ATRNL1: variants seen among roughly 807,000 people sequenced by gnomAD.
The protein encoded by ATRNL1 is attractin like 1.
ATRNL1 carries 95 observed loss-of-function variants against 182.7 expected under a neutral mutation model. The observed-to-expected ratio is 0.52, with a 90% CI of 0.44 to 0.62. ATRNL1 has a LOEUF of 0.62. Ranked by LOEUF, ATRNL1 falls within the 20% of genes least tolerant of loss-of-function variation. The pLI, the probability that ATRNL1 is intolerant of heterozygous loss-of-function variation, is 0.00. For missense variants in ATRNL1, 1,471 were observed against 1,679.5 expected (o/e 0.88, Z 2.17); for synonymous variants, 576 against 568.3 (o/e 1.01, Z -0.19).
intron 27 of ATRNL1, among the ~76,000 whole-genome samples, chr10:115,769,263 T>C (rs1042047251): frequency 6.6e-6 from 1 of 152,178 alleles, no homozygotes; most frequent in Non-Finnish European, 1.5e-5. Context: ...CTATTAATCA[T>C]GCATTGCTCC....
At chr10:115,755,210 A>G (rs1948554859) in intron 27 of ATRNL1, among the ~76,000 whole-genome samples, 1 of 152,080 alleles carries the variant, frequency 6.6e-6, no homozygotes, top group Non-Finnish European at 1.5e-5. Flanking sequence ...TACTATGTTG[A>G]AGAGGAGTGG....
chr10:115,917,336 G>T (rs1040326227), intron 28 of ATRNL1, among the ~76,000 whole-genome samples: 2 of 152,020 alleles, frequency 1.3e-5, no homozygotes, highest in Non-Finnish European at 2.9e-5. Flanking sequence ...CGGGCATGGC[G>T]GCGGGCACCT....
chr10:115,200,162 T>C (rs1848507375), intron 8 of ATRNL1, among the ~76,000 whole-genome samples: 1 of 152,036 alleles, frequency 6.6e-6, no homozygotes, highest in Non-Finnish European at 1.5e-5. Flanking sequence ...TGAATTTAGA[T>C]ACTACCAACA....
intron 3 of ATRNL1, 109 bp downstream of exon 3, chr10:115,121,921 C>CTATCA: frequency 2.0e-6 from 1 of 505,166 alleles, no homozygotes; most frequent in South Asian, 3.2e-5. Flanking sequence ...TTGATAGTTA[C>CTATCA]ATTTCACAGA....
chr10:115,485,116 G>A (rs1428839593), intron 24 of ATRNL1, among the ~76,000 whole-genome samples: 1 of 151,870 alleles, frequency 6.6e-6, no homozygotes, highest in Non-Finnish European at 1.5e-5. Flanking sequence ...TACTGTCTAT[G>A]TCAGATGTGG....
chr10:115,637,844 C>T (rs568364940), intron 26 of ATRNL1, among the ~76,000 whole-genome samples: 3 of 151,716 alleles, frequency 2.0e-5, no homozygotes, highest in African/African-American at 4.8e-5. Context: ...AGGATGGTCT[C>T]GAACTCCTGA....
At chr10:115,577,899 A>G (rs1377227894) in intron 26 of ATRNL1, among the ~76,000 whole-genome samples, 1 of 151,454 alleles carries the variant, frequency 6.6e-6, no homozygotes, top group Non-Finnish European at 1.5e-5. Context: ...TTCATAAATG[A>G]CCTTTATTAT....
At chr10:115,242,335 G>A (rs1008737821) in intron 10 of ATRNL1, among the ~76,000 whole-genome samples, 33 of 151,884 alleles carry the variant, frequency 2.2e-4, no homozygotes, top group African/African-American at 7.0e-4. Context: ...TTTTAGTTAC[G>A]CAATATAATC....
At chr10:115,398,370 A>G in intron 20 of ATRNL1, among the ~76,000 whole-genome samples, 1 of 151,796 alleles carries the variant, frequency 6.6e-6, no homozygotes, top group African/African-American at 2.4e-5. Context: ...ATGAATTTCC[A>G]TTTGTGTCAT....
chr10:115,757,103 T>A (rs1356375033), intron 27 of ATRNL1, among the ~76,000 whole-genome samples: 5 of 152,186 alleles, frequency 3.3e-5, no homozygotes, highest in African/African-American at 9.7e-5. Flanking sequence ...GGGTCTTGAC[T>A]GTTTATCCAA....
intron 26 of ATRNL1, among the ~76,000 whole-genome samples, chr10:115,694,066 A>G (rs1555049003): frequency 1.3e-5 from 2 of 151,910 alleles, no homozygotes. Context: ...TATAATCCCT[A>G]AATCATAGTA....
intron 20 of ATRNL1, among the ~76,000 whole-genome samples, chr10:115,399,982 A>G (rs72822639): frequency 0.029 from 4,364 of 152,118 alleles, 97 homozygotes; most frequent in Non-Finnish European, 0.045. Context: ...TAAAGCATTA[A>G]CAGAGTAAAC....
At chr10:115,210,491 T>C (rs782730713) in intron 8 of ATRNL1, among the ~76,000 whole-genome samples, 9 of 152,050 alleles carry the variant, frequency 5.9e-5, no homozygotes, top group Non-Finnish European at 1.3e-4. Context: ...CTTTCTACCC[T>C]GGCTCCTCAC....
intron 24 of ATRNL1, among the ~76,000 whole-genome samples, chr10:115,518,565 A>C (rs1405010553): frequency 6.6e-6 from 1 of 151,896 alleles, no homozygotes; most frequent in East Asian, 1.9e-4. Context: ...AGATGCTTTT[A>C]TTATTACCAT....
At chr10:115,496,749 T>A (rs564692327) in intron 24 of ATRNL1, among the ~76,000 whole-genome samples, 1 of 152,230 alleles carries the variant, frequency 6.6e-6, no homozygotes, top group Non-Finnish European at 1.5e-5. Context: ...ATAAGGCCTC[T>A]GCTCAAAGGT....
Position 115,807,119 on chromosome 10 carries a change from T to C in ATRNL1, c.3904-40758T>C, listed in dbSNP as rs183316822. Among the ~76,000 whole-genome samples the C allele has an allele frequency of 4.4e-3, 663 of 152,002 alleles. 10 individuals are homozygous for C. Among genetic ancestry groups the C allele is most frequent in the African/African-American group, 0.015 (629 of 41,430 alleles). On this transcript the variant is annotated intron_variant, in intron 27 of 28. Coordinates refer to ENST00000355044, the MANE Select transcript of ATRNL1 (RefSeq NM_207303.4). ...GTACTCAGGTACTTTTTTTTTTTTT[T>C]TTCTTTGAGATGGAGTCTCGCTCTG...
At chr10:115,116,572 C>T (rs1208047879) in intron 1 of ATRNL1, among the ~76,000 whole-genome samples, 1 of 151,916 alleles carries the variant, frequency 6.6e-6, no homozygotes, top group Non-Finnish European at 1.5e-5. Flanking sequence ...AATGCTTTGC[C>T]CAAGTGGCAT....
chr10:115,100,068 G>C (rs1256965226), intron 1 of ATRNL1, among the ~76,000 whole-genome samples: 1 of 152,140 alleles, frequency 6.6e-6, no homozygotes, highest in Non-Finnish European at 1.5e-5. Context: ...GAGACAGGAG[G>C]ATCACTTGAG....
chr10:115,824,703 T>A lies in ATRNL1; in HGVS notation c.3904-23174T>A, dbSNP rs1299821927. Among the ~76,000 whole-genome samples, 5 of 152,032 alleles carry A rather than the reference T, an allele frequency of 3.3e-5. No homozygotes were observed. In the East Asian group the frequency reaches 9.6e-4, roughly 29 times the overall value. Reference sequence around the variant, plus strand: ...TCTATGGTGATTAGAGAAATGCAAATCAAAACCACAATGAGATACCATCTC... The same window carrying A: ...TCTATGGTGATTAGAGAAATGCAAAACAAAACCACAATGAGATACCATCTC... On this transcript the variant is annotated intron_variant, in intron 27 of 28. Coordinates refer to ENST00000355044, the MANE Select transcript of ATRNL1 (RefSeq NM_207303.4).
Sources: gnomAD v4.1 joint callset for allele counts (sites outside exome capture counted in the v4.1 genomes callset) on GRCh38, gnomAD v4.1.1 for gene constraint, MANE v1.5 for transcripts, NCBI Gene and HGNC (gene_info 2026-07-23, HGNC 2026-07-21) for gene names.